Variants in SLC24A3 observed in about 807,000 individuals in gnomAD.
The protein encoded by SLC24A3 is sodium/potassium/calcium exchanger 3.
A neutral mutation model predicts 75.8 loss-of-function variants in SLC24A3; 28 were observed. That is an observed-to-expected ratio of 0.37 (90% confidence interval 0.27 to 0.51). The LOEUF (loss-of-function observed/expected upper bound fraction) is 0.51, where lower values mean the gene tolerates loss of function less well. Among genes scored for constraint, SLC24A3 ranks in the 20% least tolerant of loss-of-function variants. SLC24A3 has a pLI of 0.94. For synonymous variants in SLC24A3, 372 were observed against 334.1 expected, an observed-to-expected ratio of 1.11 and a Z score of -1.24; for missense variants, 663 against 847.8, an observed-to-expected ratio of 0.78 and a Z score of 2.71.
chr20:19,308,332 C>T (rs1466927172), intron 2 of SLC24A3, among the ~76,000 whole-genome samples: 1 of 152,198 alleles, frequency 6.6e-6, no homozygotes. Flanking sequence ...TCAAATGGAC[C>T]TTGCAAAAGG....
intron 1 of SLC24A3, among the ~76,000 whole-genome samples, chr20:19,237,691 G>A (rs1982205590): frequency 6.6e-6 from 1 of 152,214 alleles, no homozygotes; most frequent in Admixed American, 6.5e-5. Flanking sequence ...GCATTGACCT[G>A]TGGCTGAATT....
intron 10 of SLC24A3, among the ~76,000 whole-genome samples, chr20:19,682,545 A>T (rs145359008): frequency 1.2e-3 from 185 of 152,332 alleles, no homozygotes; most frequent in Middle Eastern, 0.01. Flanking sequence ...AGAGAACAGG[A>T]TGGCAAAGGA....
chr20:19,516,180 T>C (rs2029983903), intron 3 of SLC24A3, among the ~76,000 whole-genome samples: 1 of 152,212 alleles, frequency 6.6e-6, no homozygotes, highest in African/African-American at 2.4e-5. Context: ...GGCCTCTTAC[T>C]TTCCACCACT....
chr20:19,503,633 G>T (rs569812917), intron 2 of SLC24A3, among the ~76,000 whole-genome samples: 3 of 152,324 alleles, frequency 2.0e-5, no homozygotes, highest in South Asian at 2.1e-4. Context: ...CCCTTAAGGA[G>T]GGGGCCAGAG....
chr20:19,262,130 G>GCC (rs1481658787), intron 1 of SLC24A3, among the ~76,000 whole-genome samples: 1 of 152,152 alleles, frequency 6.6e-6, no homozygotes, highest in Non-Finnish European at 1.5e-5. Context: ...GAGGCCGGGC[G>GCC]CGGTGGCTCA....
chr20:19,601,768 G>T (rs542769187), intron 6 of SLC24A3, among the ~76,000 whole-genome samples: 1 of 152,296 alleles, frequency 6.6e-6, no homozygotes, highest in Non-Finnish European at 1.5e-5. Context: ...GCTGGCTCTG[G>T]TCTGCAGTGC....
At chr20:19,576,470 GGCCCACCGTCAGGT>G (rs2031136435) in intron 3 of SLC24A3, among the ~76,000 whole-genome samples, 1 of 152,128 alleles carries the variant, frequency 6.6e-6, no homozygotes, top group Non-Finnish European at 1.5e-5. Flanking sequence ...CAGAGTGGCA[GGCCCACCGTCAGGT>G]GCCAGGAAGG....
At chr20:19,218,166 CTG>C (rs1981615517) in intron 1 of SLC24A3, among the ~76,000 whole-genome samples, 1 of 152,136 alleles carries the variant, frequency 6.6e-6, no homozygotes, top group African/African-American at 2.4e-5. Context: ...ACTACAGTGC[CTG>C]TGATAAAAGT....
chr20:19,282,432 G>T (rs1007950639), intron 2 of SLC24A3, among the ~76,000 whole-genome samples: 6 of 152,240 alleles, frequency 3.9e-5, no homozygotes, highest in African/African-American at 1.4e-4. Context: ...AGCAGCACAT[G>T]GGCAGCTACG....
At chr20:19,237,883 T>C (rs1982212194) in intron 1 of SLC24A3, among the ~76,000 whole-genome samples, 1 of 152,172 alleles carries the variant, frequency 6.6e-6, no homozygotes, top group South Asian at 2.1e-4. Context: ...GTCTGTCGGT[T>C]TTACTTTCAG....
At chr20:19,485,548 T>A (rs1326777629) in intron 2 of SLC24A3, among the ~76,000 whole-genome samples, 1 of 152,244 alleles carries the variant, frequency 6.6e-6, no homozygotes, top group African/African-American at 2.4e-5. Context: ...GGGGACTTCA[T>A]TCCTTCTTAT....
At chr20:19,534,414 G>GTTTTA (rs1336706788) in intron 3 of SLC24A3, among the ~76,000 whole-genome samples, 1 of 142,100 alleles carries the variant, frequency 7.0e-6, no homozygotes, top group South Asian at 2.4e-4. Flanking sequence ...TTGTTTTTTT[G>GTTTTA]TTTTGTTTTG....
At chr20:19,303,333 C>T (rs1984242507) in intron 2 of SLC24A3, among the ~76,000 whole-genome samples, 1 of 152,176 alleles carries the variant, frequency 6.6e-6, no homozygotes. Context: ...CTGCAAAGGA[C>T]ATGCTCTCGT....
At chr20:19,562,154 C>T (rs1361458772) in intron 3 of SLC24A3, among the ~76,000 whole-genome samples, 1 of 152,148 alleles carries the variant, frequency 6.6e-6, no homozygotes, top group African/African-American at 2.4e-5. Flanking sequence ...GGGAAGGTAA[C>T]TGGAAGCATG....
At chr20:19,615,088 G>C (rs1394885487) in intron 6 of SLC24A3, among the ~76,000 whole-genome samples, 1 of 152,116 alleles carries the variant, frequency 6.6e-6, no homozygotes, top group Admixed American at 6.5e-5. Context: ...ACCACCAAGT[G>C]GTTTGATTCC....
intron 3 of SLC24A3, among the ~76,000 whole-genome samples, chr20:19,533,352 T>C (rs3790253): frequency 0.14 from 20,951 of 152,056 alleles, 1,589 homozygotes; most frequent in Middle Eastern, 0.18. Flanking sequence ...GGCTGCTGGG[T>C]ATTTCGTGGC....
chr20:19,394,453 A>G (rs898883783), intron 2 of SLC24A3, among the ~76,000 whole-genome samples: 2 of 152,242 alleles, frequency 1.3e-5, no homozygotes, highest in Non-Finnish European at 2.9e-5. Flanking sequence ...CTTGCAAATT[A>G]TATATCTGAT....
chr20:19,580,189 C>T (rs527479354), intron 4 of SLC24A3, 115 bp downstream of exon 4: 52 of 774,032 alleles, frequency 6.7e-5, no homozygotes, highest in East Asian at 2.0e-4. Flanking sequence ...GCAGCTGCAG[C>T]GGGAACACCA....
chr20:19,676,888 C>A (rs2032530810), intron 9 of SLC24A3, among the ~76,000 whole-genome samples: 1 of 152,172 alleles, frequency 6.6e-6, no homozygotes, highest in South Asian at 2.1e-4. Context: ...ACAGCAGAGC[C>A]CCCTGCCACT....
Sources: allele counts gnomAD v4.1 joint callset (sites outside exome capture counted in the v4.1 genomes callset), GRCh38; gene constraint gnomAD v4.1.1; transcripts MANE v1.5; gene names NCBI Gene and HGNC (gene_info 2026-07-23, HGNC 2026-07-21).